KBTBD2: variants seen among roughly 807,000 people sequenced by gnomAD.
KBTBD2 encodes kelch repeat and BTB domain containing 2, also known as kelch repeat and BTB domain-containing protein 2.
Under a neutral mutation model 57.1 loss-of-function variants are expected in KBTBD2, and 17 were observed. That is an observed-to-expected ratio of 0.30 (90% confidence interval 0.20 to 0.45). The LOEUF is 0.45. Ranked by LOEUF, KBTBD2 falls within the 20% of genes least tolerant of loss-of-function variation. The probability of loss-of-function intolerance (pLI) is 1.00; values close to 1 mark genes in which losing one functional copy is unlikely to be tolerated. For synonymous variants in KBTBD2, 267 were observed against 262.7 expected, an observed-to-expected ratio of 1.02 and a Z score of -0.16; for missense variants, 515 against 750.6, an observed-to-expected ratio of 0.69 and a Z score of 3.67.
rs1252873827 is a variant in KBTBD2, at chr7:32,874,976, A to C, written c.336+16T>G. 1 of 1,608,240 alleles carries C rather than the reference A, an allele frequency of 6.2e-7. No homozygotes were observed. The highest frequency in any genetic ancestry group is 8.5e-7 in the Non-Finnish European group (1 of 1,176,160). Reference sequence around the variant, plus strand: ...ACAGAGAGAGACTCCGTCTAAAAAAATATATATATGCTTACCTGTAGGAAG... The same window carrying C: ...ACAGAGAGAGACTCCGTCTAAAAAACTATATATATGCTTACCTGTAGGAAG... On this transcript the variant is annotated intron_variant, in intron 3 of 3. Transcript: ENST00000304056.
At chr7:32,887,959 T>C (rs1583793600) in intron 1 of KBTBD2, among the ~76,000 whole-genome samples, 1 of 152,142 alleles carries the variant, frequency 6.6e-6, no homozygotes, top group African/African-American at 2.4e-5. Flanking sequence ...ATATTCGAAA[T>C]TATTTTTATT....
In KBTBD2 at chr7:32,870,188, G is replaced by C. The variant is rs559658565; in HGVS notation, c.1029C>G (p.Ala343=). The part of the protein sequence containing the change: ...NHSKTSKLQT[A]FRTVNCFYWF... ...AATAAAAGCAATTCACAGTTCTGAA[G>C]GCAGTCTGAAGTTTGCTTGTTTTAC... The change falls in exon 4 of 4, where the codon GCC becomes GCG. Residue 343 remains alanine, a synonymous_variant. Transcript: ENST00000304056. The C allele has an allele frequency of 1.5e-4, 238 of 1,614,108 alleles. 1 individual carries two copies. The highest frequency in any genetic ancestry group is 1.2e-3 in the South Asian group (106 of 91,078).
intron 2 of KBTBD2, 61 bp from the exon 3 acceptor site, chr7:32,875,218 G>C: frequency 7.0e-7 from 1 of 1,419,266 alleles, no homozygotes. Flanking sequence ...ATGTAGAGCT[G>C]AAAAGAACAA....
intron 1 of KBTBD2, among the ~76,000 whole-genome samples, chr7:32,884,555 T>C (rs527377970): frequency 6.6e-6 from 1 of 151,960 alleles, no homozygotes; most frequent in East Asian, 1.9e-4. Context: ...CCTGGTGTGA[T>C]GGTGCGTGCC....
At chr7:32,886,201 C>T (rs907215950) in intron 1 of KBTBD2, among the ~76,000 whole-genome samples, 4 of 152,128 alleles carry the variant, frequency 2.6e-5, no homozygotes, top group Admixed American at 1.3e-4. Context: ...TGAGCCACCA[C>T]GTCCGGCCTC....
In KBTBD2 at chr7:32,870,318, C is replaced by A; in HGVS notation, c.899G>T (p.Ser300Ile). The change falls in exon 4 of 4, where the codon AGC (serine) becomes ATC (isoleucine). Residue 300 changes from serine to isoleucine, a missense_variant. Ser to Ile is a moderately radical substitution (Grantham distance 142). Transcript: ENST00000304056. Reference protein sequence around the residue: ...PQAEKVYKLCSPPADLHKVGT... With the variant: ...PQAEKVYKLCIPPADLHKVGT... ...AACCTTATGCAAATCAGCTGGTGGGCTACATAACTTGTAAACTTTTTCTGC... is the reference window on the plus strand; with the variant it reads ...AACCTTATGCAAATCAGCTGGTGGGATACATAACTTGTAAACTTTTTCTGC... The A allele has an allele frequency of 6.2e-7, 1 of 1,613,938 alleles. No homozygotes were observed. Among genetic ancestry groups the A allele is most frequent in the Non-Finnish European group, 8.5e-7 (1 of 1,179,954 alleles).
chr7:32,874,348 TG>T (rs1784256003), intron 3 of KBTBD2, among the ~76,000 whole-genome samples: 1 of 151,734 alleles, frequency 6.6e-6, no homozygotes, highest in Non-Finnish European at 1.5e-5. Flanking sequence ...GCATCTGAGC[TG>T]AGATCGCGCC....
In KBTBD2 at chr7:32,870,566, A is replaced by G. The variant is rs755610242; in HGVS notation, c.651T>C (p.Leu217=). Residue 217 remains leucine (L), a synonymous_variant, in exon 4 of 4, where the codon CTT becomes CTC. Coordinates refer to ENST00000304056, the MANE Select transcript of KBTBD2 (RefSeq NM_015483.3). ...ESRSQYLSSV[L]SQIRIDALSE... ...AAAGTGCATCAATTCTGATTTGGCT[A>G]AGAACAGAAGACAAATACTGGGATC... The G allele has an allele frequency of 3.1e-6, 5 of 1,614,092 alleles. No individual in the cohort carries two copies. Among genetic ancestry groups the G allele is most frequent in the African/African-American group, 1.3e-5 (1 of 74,938 alleles).
intron 2 of KBTBD2, 151 bp from the exon 3 acceptor site, chr7:32,875,308 G>T: frequency 1.5e-6 from 1 of 657,768 alleles, no homozygotes; most frequent in Non-Finnish European, 2.6e-6. Context: ...GTCTTGCTCT[G>T]TCCCCCAGGC....
rs1330517519 is a variant in KBTBD2, at chr7:32,884,976, G to GTGTATATATATATACACATATATGTGTA, written c.-338-5035_-338-5034insTACACATATATGTGTATATATATATACA. Reference sequence around the variant, plus strand: ...TATATATATATGTGTGTATGTGTGTGTATATATATATATACACATATATGT... The same window carrying GTGTATATATATATACACATATATGTGTA: ...TATATATATATGTGTGTATGTGTGTGTGTATATATATATACACATATATGTGTATATATATATATATACACATATATGT... On this transcript the variant is annotated intron_variant, in intron 1 of 3. Coordinates refer to ENST00000304056, the MANE Select transcript of KBTBD2 (RefSeq NM_015483.3). 7.8e-3 allele frequency among the ~76,000 whole-genome samples: 1,016 copies of GTGTATATATATATACACATATATGTGTA among 129,694 alleles called. 10 individuals are homozygous for GTGTATATATATATACACATATATGTGTA. Among genetic ancestry groups the GTGTATATATATATACACATATATGTGTA allele is most frequent in the African/African-American group, 0.013 (414 of 31,670 alleles). 85.1% of individuals were successfully genotyped at this position (129,694 alleles called of 152,430 possible). A position where few individuals can be genotyped will look rare whatever the true frequency, so the allele number is the denominator to read the frequency against.
Position 32,870,845 on chromosome 7 carries a change from T to C in KBTBD2, c.372A>G (p.Leu124=). ...AATTCTCTGCATTTATTTTTTTAAT[T>C]AAATATTCTCGACAACGTTGTAACA... The part of the protein sequence containing the change: ...EDVLQRCREY[L]IKKINAENCV... The change falls in exon 4 of 4, where the codon TTA becomes TTG. Residue 124 remains leucine (L), a synonymous_variant. Coordinates refer to ENST00000304056, the MANE Select transcript of KBTBD2 (RefSeq NM_015483.3). 1 of 1,593,206 alleles carries C rather than the reference T, an allele frequency of 6.3e-7. No individual in the cohort carries two copies. Among genetic ancestry groups the C allele is most frequent in the Non-Finnish European group, 8.5e-7 (1 of 1,174,208 alleles).
chr7:32,891,921 G>A (rs1290248692), upstream of KBTBD2: 9 of 50,710 alleles, frequency 1.8e-4, no homozygotes, highest in African/African-American at 8.0e-4. Context: ...GCGCGCTCTC[G>A]CCCCCGCCCG....
intron 1 of KBTBD2, among the ~76,000 whole-genome samples, chr7:32,885,674 A>C (rs1784561367): frequency 6.6e-6 from 1 of 152,152 alleles, no homozygotes; most frequent in Non-Finnish European, 1.5e-5. Flanking sequence ...ATAGTAAAAA[A>C]TGCTAACCAG....
At chr7:32,885,399 T>C (rs960889606) in intron 1 of KBTBD2, among the ~76,000 whole-genome samples, 2 of 151,524 alleles carry the variant, frequency 1.3e-5, no homozygotes, top group South Asian at 2.1e-4. Context: ...CACAACTGCT[T>C]TCCCCAATTC....
intron 1 of KBTBD2, 65 bp downstream of exon 1, chr7:32,891,471 T>G (rs1311317909): frequency 1.4e-5 from 2 of 145,368 alleles, no homozygotes; most frequent in Non-Finnish European, 3.0e-5. Flanking sequence ...ACAGCCCTCC[T>G]CCCCGGCCCC....
At chr7:32,871,486 G>T (rs1238263895) in intron 3 of KBTBD2, among the ~76,000 whole-genome samples, 3 of 152,114 alleles carry the variant, frequency 2.0e-5, no homozygotes, top group African/African-American at 7.2e-5. Context: ...TCTTAAGAAG[G>T]TAGATCTCAG....
intron 1 of KBTBD2, 64 bp downstream of exon 1, chr7:32,891,472 C>G (rs1210599873): frequency 6.6e-6 from 1 of 151,028 alleles, no homozygotes; most frequent in African/African-American, 2.4e-5. Context: ...CAGCCCTCCT[C>G]CCCGGCCCCT....
chr7:32,873,068 C>A (rs1376193414), intron 3 of KBTBD2, among the ~76,000 whole-genome samples: 1 of 152,064 alleles, frequency 6.6e-6, no homozygotes, highest in African/African-American at 2.4e-5. Flanking sequence ...ACAGTGCTCT[C>A]CAAATTTAAC....
chr7:32,881,975 A>C (rs1254997680), intron 1 of KBTBD2, among the ~76,000 whole-genome samples: 3 of 152,200 alleles, frequency 2.0e-5, no homozygotes, highest in Non-Finnish European at 4.4e-5. Flanking sequence ...TGGATAATCA[A>C]ACATATTATC....
Sources: allele counts gnomAD v4.1 joint callset (sites outside exome capture counted in the v4.1 genomes callset), GRCh38; gene constraint gnomAD v4.1.1; transcripts MANE v1.5; gene names NCBI Gene and HGNC (gene_info 2026-07-23, HGNC 2026-07-21).